Variants in TTC21B observed in about 807,000 individuals in gnomAD.
TTC21B encodes the protein tetratricopeptide repeat protein 21B.
TTC21B carries 127 observed loss-of-function variants against 175.1 expected under a neutral mutation model. The ratio of observed to expected loss-of-function variants is 0.73; its 90% confidence interval spans 0.63 to 0.84. The LOEUF (loss-of-function observed/expected upper bound fraction) is 0.84, where lower values mean the gene tolerates loss of function less well. Among genes scored for constraint, TTC21B ranks in the 40% least tolerant of loss-of-function variants. TTC21B has a pLI of 0.00. For missense variants in TTC21B, 1,561 were observed against 1,558.3 expected, an observed-to-expected ratio of 1.00 and a Z score of -0.03; for synonymous variants, 524 against 524.5, an observed-to-expected ratio of 1.00 and a Z score of 0.01.
chr2:165,948,456 T>C (rs982411780), intron 3 of TTC21B: 4 of 152,210 alleles, frequency 2.6e-5, no homozygotes, highest in Non-Finnish European at 5.9e-5. Context: ...TAACTTTGTA[T>C]TGATTTGCAT....
intron 27 of TTC21B, among the ~76,000 whole-genome samples, chr2:165,876,989 A>G (rs1684683859): frequency 6.6e-6 from 1 of 152,210 alleles, no homozygotes; most frequent in African/African-American, 2.4e-5. Flanking sequence ...GAATTATCAC[A>G]ATTACTGATA....
intron 22 of TTC21B, among the ~76,000 whole-genome samples, chr2:165,896,883 T>TTTTG (rs530664099): frequency 9.8e-5 from 15 of 152,372 alleles, no homozygotes; most frequent in Non-Finnish European, 1.8e-4. Flanking sequence ...CTAAGGGTTT[T>TTTTG]TTTGTTTGTT....
chr2:165,890,997 A>G lies in TTC21B; in HGVS notation c.2951-9T>C. The G allele has an allele frequency of 6.2e-7, 1 of 1,606,692 alleles. No homozygotes were observed. The highest frequency in any genetic ancestry group is 1.1e-5 in the South Asian group (1 of 90,920). On this transcript the variant is annotated splice_polypyrimidine_tract_variant and intron_variant, in intron 22 of 28. Coordinates refer to ENST00000243344, the MANE Select transcript of TTC21B (RefSeq NM_024753.5). ...TAATGTCATATAATTATCTAGAAACAAATAATACTTCAGATATGGGCACCA... is the reference window on the plus strand; with the variant it reads ...TAATGTCATATAATTATCTAGAAACGAATAATACTTCAGATATGGGCACCA...
At chr2:165,897,961 C>T (rs530939434) in intron 22 of TTC21B, among the ~76,000 whole-genome samples, 1 of 152,172 alleles carries the variant, frequency 6.6e-6, no homozygotes, top group African/African-American at 2.4e-5. Flanking sequence ...TGGGGGTCAC[C>T]GACCACATTG....
At chr2:165,914,484 C>T (rs890287426) in intron 15 of TTC21B, among the ~76,000 whole-genome samples, 14 of 152,128 alleles carry the variant, frequency 9.2e-5, no homozygotes. Flanking sequence ...TCACTCAGTG[C>T]TTAAAAGAAT....
chr2:165,901,669 A>G, intron 20 of TTC21B, 53 bp downstream of exon 20: 1 of 1,543,294 alleles, frequency 6.5e-7, no homozygotes, highest in South Asian at 1.1e-5. Context: ...CATCTGAGGA[A>G]ATTAGAAGAC....
intron 19 of TTC21B, among the ~76,000 whole-genome samples, 183 bp from the exon 20 acceptor site, chr2:165,902,093 C>A (rs1389008786): frequency 6.6e-6 from 1 of 152,174 alleles, no homozygotes; most frequent in East Asian, 1.9e-4. Flanking sequence ...AATGAGCCAG[C>A]ACACATATAT....
At chr2:165,899,682 C>T (rs933794594) in intron 21 of TTC21B, 88 bp downstream of exon 21, 2 of 832,146 alleles carry the variant, frequency 2.4e-6, no homozygotes, top group Non-Finnish European at 4.2e-6. Flanking sequence ...TGAGCCATGC[C>T]TCATCATCTA....
chr2:165,914,655 A>G lies in TTC21B; in HGVS notation c.2138+546T>C, dbSNP rs1000991847. On this transcript the variant is annotated intron_variant, in intron 15 of 28. Transcript: ENST00000243344. ...CTGTTTGGGGAGAAGAGGAAGAGCAATCTGTGTGTGTGTGTGTGTGTGTGT... is the reference window on the plus strand; with the variant it reads ...CTGTTTGGGGAGAAGAGGAAGAGCAGTCTGTGTGTGTGTGTGTGTGTGTGT... Among the ~76,000 whole-genome samples the G allele has an allele frequency of 1.8e-3, 140 of 75,700 alleles. 4 individuals are homozygous for G. In the South Asian group the frequency reaches 0.052, roughly 28 times the overall value. 49.7% of individuals were successfully genotyped at this position (75,700 alleles called of 152,430 possible).
At position 165,935,619 on chromosome 2, in the gene TTC21B, T is replaced by A. The variant is rs529336102; in HGVS notation, c.711-2562A>T. Among the ~76,000 whole-genome samples the A allele has an allele frequency of 8.5e-5, 13 of 152,312 alleles. No individual in the cohort carries two copies. The South Asian group carries it at 1.9e-3, about 22-fold the overall frequency. On this transcript the variant is annotated intron_variant, in intron 6 of 28. Transcript: ENST00000243344. Reference sequence around the variant, plus strand: ...TCAACAAGCGATTATAGCAAGATTGTAGGATATGAGGTTAATATATAATAT... The same window carrying A: ...TCAACAAGCGATTATAGCAAGATTGAAGGATATGAGGTTAATATATAATAT...
chr2:165,945,724 A>G (rs1687534958), intron 3 of TTC21B, 34 bp from the exon 4 acceptor site: 1 of 1,602,078 alleles, frequency 6.2e-7, no homozygotes, highest in East Asian at 2.2e-5. Flanking sequence ...ATAAAAATTA[A>G]ATTCTGGATC....
At chr2:165,910,652 A>T (rs1685898980) in intron 18 of TTC21B, among the ~76,000 whole-genome samples, 1 of 152,168 alleles carries the variant, frequency 6.6e-6, no homozygotes, top group Non-Finnish European at 1.5e-5. Context: ...GGTGTTATGG[A>T]ACATTATGAT....
At position 165,928,897 on chromosome 2, in the gene TTC21B, A is replaced by C. The variant is rs1265690573; in HGVS notation, c.1386+238T>G. 5 of 482,336 alleles carry C rather than the reference A, an allele frequency of 1.0e-5. No homozygotes were observed. The East Asian group carries it at 1.6e-4, about 15-fold the overall frequency. 29.9% of individuals were successfully genotyped at this position (482,336 alleles called of 1,614,324 possible). ...TTAGATGCCTTTTAATATTTCTTTA[A>C]ACTGAAGATTTTAAGATTTTATGAA... On this transcript the variant is annotated intron_variant, in intron 11 of 28. Coordinates refer to ENST00000243344, the MANE Select transcript of TTC21B (RefSeq NM_024753.5).
At chr2:165,952,193 CTGTACAG>C (rs1433770193) in intron 1 of TTC21B, among the ~76,000 whole-genome samples, 4 of 152,166 alleles carry the variant, frequency 2.6e-5, no homozygotes, top group African/African-American at 9.7e-5. Flanking sequence ...GGCTGGCTGG[CTGTACAG>C]CCAGTGAACT....
intron 13 of TTC21B, 141 bp from the exon 14 acceptor site, chr2:165,917,622 A>G: frequency 1.4e-6 from 1 of 736,118 alleles, no homozygotes; most frequent in Non-Finnish European, 2.3e-6. Flanking sequence ...CTGCCCTCTT[A>G]TTAACCCTCT....
At chr2:165,922,822 T>G (rs1197725462) in intron 12 of TTC21B, among the ~76,000 whole-genome samples, 1 of 152,094 alleles carries the variant, frequency 6.6e-6, no homozygotes, top group Non-Finnish European at 1.5e-5. Context: ...TGCAAAGACA[T>G]GGAACCAACA....
At chr2:165,914,682 T>TGTGTGTGTGTGTGTGTGTGCGCGCGCGC (rs1158957654) in intron 15 of TTC21B, among the ~76,000 whole-genome samples, 16 of 149,760 alleles carry the variant, frequency 1.1e-4, no homozygotes, top group African/African-American at 4.0e-4. Flanking sequence ...TGTGTGTGTG[T>TGTGTGTGTGTGTGTGTGTGCGCGCGCGC]GTGTGTGTGT....
chr2:165,933,131 G>T, intron 6 of TTC21B, 74 bp from the exon 7 acceptor site: 3 of 1,349,078 alleles, frequency 2.2e-6, no homozygotes, highest in Non-Finnish European at 3.1e-6. Context: ...TGAAAAGTTG[G>T]TTTGCTTGCC....
chr2:165,932,027 T>C (rs1422451522), intron 7 of TTC21B, among the ~76,000 whole-genome samples, 171 bp from the exon 8 acceptor site: 1 of 152,166 alleles, frequency 6.6e-6, no homozygotes, highest in Non-Finnish European at 1.5e-5. Flanking sequence ...ATATTTAAGA[T>C]TCTAACAAAC....
Sources: allele counts gnomAD v4.1 joint callset (sites outside exome capture counted in the v4.1 genomes callset), GRCh38; gene constraint gnomAD v4.1.1; transcripts MANE v1.5; gene names NCBI Gene and HGNC (gene_info 2026-07-23, HGNC 2026-07-21).